The following TENM3 variants were observed in gnomAD, a reference collection of about 807,000 sequenced individuals.
The protein encoded by TENM3 is teneurin transmembrane protein 3.
In TENM3, 63 loss-of-function variants were observed where a neutral mutation model predicts 255.1. The observed-to-expected ratio is 0.25, with a 90% CI of 0.20 to 0.30. The LOEUF (loss-of-function observed/expected upper bound fraction) is 0.30, where lower values mean the gene tolerates loss of function less well. TENM3 is among the 10% of genes least tolerant of loss of function. The pLI is 1.00. For synonymous variants in TENM3, 1,306 were observed against 1,322.3 expected, an observed-to-expected ratio of 0.99 and a Z score of 0.27; for missense variants, 2,929 against 3,461.1, an observed-to-expected ratio of 0.85 and a Z score of 3.86.
intron 1 of TENM3, among the ~76,000 whole-genome samples, chr4:182,206,814 C>T (rs1754613272): frequency 6.6e-6 from 1 of 152,164 alleles, no homozygotes; most frequent in African/African-American, 2.4e-5. Context: ...TGGGGGACTT[C>T]ATTCTAGCCA....
intron 4 of TENM3, among the ~76,000 whole-genome samples, chr4:182,619,919 G>C (rs367776516): frequency 1.3e-5 from 2 of 152,294 alleles, no homozygotes; most frequent in East Asian, 3.9e-4. Context: ...AAGCCGCCGC[G>C]GCTGCTGCTT....
the TENM3 span, among the ~76,000 whole-genome samples, chr4:182,095,988 G>A: frequency 1.0e-3 from 154 of 152,096 alleles, no homozygotes; most frequent in South Asian, 7.1e-3. Context: ...AAATATCCAG[G>A]CACGGTGGCA....
At chr4:182,602,486 C>G (rs747314612) in intron 4 of TENM3, among the ~76,000 whole-genome samples, 2 of 152,182 alleles carry the variant, frequency 1.3e-5, no homozygotes, top group African/African-American at 2.4e-5. Context: ...GCAGGAGGTC[C>G]CCACAGTTAG....
At chr4:182,072,710 AT>A in the TENM3 span, among the ~76,000 whole-genome samples, 1 of 152,098 alleles carries the variant, frequency 6.6e-6, no homozygotes, top group Admixed American at 6.5e-5. Context: ...TTTGGGTTGT[AT>A]TTGTGGCTCT....
chr4:182,318,957 G>A (rs138235012), intron 1 of TENM3, among the ~76,000 whole-genome samples: 76 of 152,104 alleles, frequency 5.0e-4, no homozygotes, highest in African/African-American at 1.7e-3. Flanking sequence ...TTATAGAAAT[G>A]TGGTCTCACT....
chr4:182,647,554 A>C (rs905946818), intron 5 of TENM3, among the ~76,000 whole-genome samples: 1 of 152,228 alleles, frequency 6.6e-6, no homozygotes, highest in Non-Finnish European at 1.5e-5. Context: ...GCATGTGACA[A>C]TATTTCCTTT....
intron 1 of TENM3, among the ~76,000 whole-genome samples, chr4:182,299,756 G>A (rs910329824): frequency 6.6e-6 from 1 of 151,634 alleles, no homozygotes; most frequent in Non-Finnish European, 1.5e-5. Context: ...GTGACTGATG[G>A]CGGAGGATGC....
intron 2 of TENM3, among the ~76,000 whole-genome samples, chr4:182,343,611 C>G (rs745365795): frequency 5.3e-5 from 8 of 152,180 alleles, no homozygotes; most frequent in Non-Finnish European, 1.2e-4. Flanking sequence ...AAGCCCTCCC[C>G]ACTACTACAA....
intron 1 of TENM3, among the ~76,000 whole-genome samples, chr4:182,214,410 T>C (rs984632979): frequency 6.6e-6 from 1 of 152,218 alleles, no homozygotes; most frequent in Non-Finnish European, 1.5e-5. Flanking sequence ...GCTTAAGACA[T>C]AAAGACTTAT....
At chr4:182,288,201 A>G (rs138290113) in intron 1 of TENM3, among the ~76,000 whole-genome samples, 4,286 of 151,968 alleles carry the variant, frequency 0.028, 202 homozygotes, top group African/African-American at 0.097. Flanking sequence ...CTCCCAAAGT[A>G]CTGGGATTAC....
chr4:182,758,396 G>A (rs1012813467), intron 22 of TENM3, among the ~76,000 whole-genome samples: 16 of 152,198 alleles, frequency 1.1e-4, no homozygotes, highest in Non-Finnish European at 4.4e-5. Context: ...TCTGTGTTCA[G>A]ACACAGCAGC....
chr4:182,147,038 C>G (rs1750017741), intron 1 of TENM3, among the ~76,000 whole-genome samples: 1 of 152,092 alleles, frequency 6.6e-6, no homozygotes, highest in African/African-American at 2.4e-5. Context: ...TAGAAAAAAG[C>G]TCCTAAAGAG....
At chr4:182,706,078 T>C (rs1390082840) in intron 12 of TENM3, among the ~76,000 whole-genome samples, 1 of 152,224 alleles carries the variant, frequency 6.6e-6, no homozygotes, top group East Asian at 1.9e-4. Flanking sequence ...CGTTGTTTAG[T>C]CTGATTTTTT....
the TENM3 span, among the ~76,000 whole-genome samples, chr4:181,926,530 A>G: frequency 3.3e-5 from 5 of 152,028 alleles, no homozygotes; most frequent in Admixed American, 1.3e-4. Flanking sequence ...TCTAAGACCA[A>G]CCATAAAATC....
intron 1 of TENM3, among the ~76,000 whole-genome samples, chr4:182,262,820 T>C (rs1257005005): frequency 1.3e-5 from 2 of 150,874 alleles, no homozygotes; most frequent in Admixed American, 1.3e-4. Flanking sequence ...TTCACGCCAT[T>C]CTCCTGCTTC....
chr4:182,504,008 CAT>C (rs144173023), intron 3 of TENM3, among the ~76,000 whole-genome samples: 5,937 of 151,546 alleles, frequency 0.039, 221 homozygotes, highest in East Asian at 0.11. Flanking sequence ...ATCTAATTTA[CAT>C]ATATATATAT....
intron 3 of TENM3, among the ~76,000 whole-genome samples, chr4:182,567,446 T>A (rs1485116926): frequency 1.3e-5 from 2 of 152,116 alleles, no homozygotes; most frequent in Non-Finnish European, 2.9e-5. Context: ...CCTCAGAACT[T>A]TGCAGTAGCT....
intron 1 of TENM3, among the ~76,000 whole-genome samples, chr4:182,263,873 T>G (rs917044666): frequency 6.6e-6 from 1 of 152,128 alleles, no homozygotes; most frequent in Non-Finnish European, 1.5e-5. Context: ...TGATATTGGG[T>G]GCTAAGCAGA....
At chr4:182,018,816 C>A in the TENM3 span, among the ~76,000 whole-genome samples, 1 of 152,304 alleles carries the variant, frequency 6.6e-6, no homozygotes, top group Admixed American at 6.5e-5. Flanking sequence ...TAGTGCCAGA[C>A]ATGGTACATA....
Sources: allele counts gnomAD v4.1 joint callset (sites outside exome capture counted in the v4.1 genomes callset), GRCh38; gene constraint gnomAD v4.1.1; transcripts MANE v1.5; gene names NCBI Gene and HGNC (gene_info 2026-07-23, HGNC 2026-07-21).